Variants in LRIF1 observed in about 807,000 individuals in gnomAD.
The protein encoded by LRIF1 is ligand dependent nuclear receptor interacting factor 1, also known as ligand-dependent nuclear receptor-interacting factor 1.
A neutral mutation model predicts 52.7 loss-of-function variants in LRIF1; 32 were observed. That is an observed-to-expected ratio of 0.61 (90% CI 0.46 to 0.82). The LOEUF (loss-of-function observed/expected upper bound fraction) is 0.82. Ranked by LOEUF, LRIF1 falls within the 40% of genes least tolerant of loss-of-function variation. The pLI, the probability that LRIF1 is intolerant of heterozygous loss-of-function variation, is 0.00. For missense variants in LRIF1, 887 were observed against 892.0 expected, an observed-to-expected ratio of 0.99 and a Z score of 0.07; for synonymous variants, 323 against 317.4, an observed-to-expected ratio of 1.02 and a Z score of -0.19.
chr1:110,919,814 G>A, the LRIF1 span, among the ~76,000 whole-genome samples: 4 of 152,132 alleles, frequency 2.6e-5, no homozygotes, highest in Non-Finnish European at 5.9e-5. Flanking sequence ...ACAAAGGGTC[G>A]TTATCCAAAA....
chr1:110,899,222 CT>C, the LRIF1 span: 1 of 1,530,760 alleles, frequency 6.5e-7, no homozygotes, highest in Non-Finnish European at 9.1e-7. Flanking sequence ...GGTGAAGAGA[CT>C]TGTTTCATCT....
chr1:110,925,688 T>A, the LRIF1 span, among the ~76,000 whole-genome samples: 3 of 152,082 alleles, frequency 2.0e-5, no homozygotes, highest in African/African-American at 7.2e-5. Context: ...AACAAAACCA[T>A]CATTCGTTAC....
Position 110,951,427 on chromosome 1 carries a change from T to C in LRIF1, c.1457A>G (p.His486Arg). 1 of 1,614,132 alleles carries C rather than the reference T, an allele frequency of 6.2e-7. No individual in the cohort carries two copies. The highest frequency in any genetic ancestry group is 8.5e-7 in the Non-Finnish European group (1 of 1,180,000). ...GGCTGTTACTTTTCTGGGGGCATTG[T>C]GTCCTGTACTAAATCCAACTGGAAA... ...PIFPVGFSTG[H>R]NAPRKVTAVI... is the part of the protein sequence containing the mutation. The change falls in exon 2 of 4, where the codon CAC becomes CGC. Residue 486 changes from histidine (H) to arginine (R), a missense_variant. Physicochemically the swap from His to Arg is conservative, Grantham distance 29. Transcript: ENST00000369763.
At chr1:110,924,455 G>A in the LRIF1 span, among the ~76,000 whole-genome samples, 2 of 152,198 alleles carry the variant, frequency 1.3e-5, no homozygotes, top group Admixed American at 6.5e-5. Flanking sequence ...AATCATGGCA[G>A]AGGGCAAAGA....
the LRIF1 span, among the ~76,000 whole-genome samples, chr1:110,915,806 A>G: frequency 6.6e-6 from 1 of 152,202 alleles, no homozygotes; most frequent in African/African-American, 2.4e-5. Context: ...ATTATGTCAC[A>G]CAAGGGTAAA....
chr1:110,942,088 CT>C, the LRIF1 span: 13 of 152,074 alleles, frequency 8.5e-5, no homozygotes, highest in Non-Finnish European at 1.9e-4. Flanking sequence ...TAATATTCCA[CT>C]GCATGACATG....
intron 3 of LRIF1, 48 bp downstream of exon 3, chr1:110,949,803 G>T: frequency 6.5e-7 from 1 of 1,531,688 alleles, no homozygotes; most frequent in Non-Finnish European, 8.9e-7. Flanking sequence ...TAATATTCAT[G>T]TATCATTTGT....
chr1:110,891,258 T>C, the LRIF1 span: 1 of 658,374 alleles, frequency 1.5e-6, no homozygotes, highest in South Asian at 1.8e-5. Context: ...AGCGCAGAGT[T>C]TGGGGAAACT....
the LRIF1 span, among the ~76,000 whole-genome samples, chr1:110,885,661 G>A: frequency 6.6e-6 from 1 of 152,000 alleles, no homozygotes; most frequent in Admixed American, 6.6e-5. Context: ...TCAGGAGTTC[G>A]AGACCAGCCT....
the LRIF1 span, among the ~76,000 whole-genome samples, chr1:110,903,159 T>A: frequency 6.6e-6 from 1 of 152,190 alleles, no homozygotes; most frequent in African/African-American, 2.4e-5. Flanking sequence ...GCTACAGTGC[T>A]ATGTGTTTCT....
the LRIF1 span, among the ~76,000 whole-genome samples, chr1:110,918,117 T>C: frequency 6.6e-6 from 1 of 152,130 alleles, no homozygotes; most frequent in African/African-American, 2.4e-5. Flanking sequence ...TAAAAACACC[T>C]ACCTCCCCTC....
the LRIF1 span, among the ~76,000 whole-genome samples, chr1:110,897,133 C>T: frequency 6.6e-6 from 1 of 152,140 alleles, no homozygotes; most frequent in South Asian, 2.1e-4. Flanking sequence ...ATGGCAGAAT[C>T]CAGCCCCTTA....
chr1:110,951,918 T>C lies in LRIF1; in HGVS notation c.966A>G (p.Val322=), dbSNP rs1353515248. The change falls in exon 2 of 4, where the codon GTA becomes GTG. Residue 322 remains valine (V), a synonymous_variant. Coordinates refer to ENST00000369763, the MANE Select transcript of LRIF1 (RefSeq NM_018372.4). ...NVASKILKTF[V]DRKNLGDNTI... Reference sequence around the variant, plus strand: ...TATTATCTCCCAAATTTTTCCTATCTACAAAAGTTTTTAAAATCTTTGAAG... The same window carrying C: ...TATTATCTCCCAAATTTTTCCTATCCACAAAAGTTTTTAAAATCTTTGAAG... 10 of 1,614,058 alleles carry C rather than the reference T, an allele frequency of 6.2e-6. No individual in the cohort carries two copies. Among genetic ancestry groups the C allele is most frequent in the Non-Finnish European group, 8.5e-6 (10 of 1,179,988 alleles).
chr1:110,897,036 G>A, the LRIF1 span, among the ~76,000 whole-genome samples: 1 of 152,182 alleles, frequency 6.6e-6, no homozygotes, highest in Non-Finnish European at 1.5e-5. Context: ...GCAAGAAGTA[G>A]GTCTCCTTAT....
the LRIF1 span, among the ~76,000 whole-genome samples, chr1:110,934,687 C>A: frequency 1.3e-5 from 2 of 152,170 alleles, no homozygotes; most frequent in East Asian, 1.9e-4. Flanking sequence ...TAATAGAACA[C>A]CAGGTAGATG....
At chr1:110,903,732 C>T in the LRIF1 span, among the ~76,000 whole-genome samples, 1 of 152,188 alleles carries the variant, frequency 6.6e-6, no homozygotes. Flanking sequence ...ACTCCTTCTA[C>T]TTGAGAAAAG....
chr1:110,902,012 C>A, the LRIF1 span, among the ~76,000 whole-genome samples: 1 of 152,272 alleles, frequency 6.6e-6, no homozygotes, highest in Middle Eastern at 3.4e-3. Context: ...AGGATTCACC[C>A]ACCAAGTATC....
At chr1:110,894,458 T>A in the LRIF1 span, 1 of 1,282,598 alleles carries the variant, frequency 7.8e-7, no homozygotes, top group African/African-American at 1.5e-5. Context: ...GAGTATGCAG[T>A]GGAGAAGTTG....
At chr1:110,912,371 G>T in the LRIF1 span, among the ~76,000 whole-genome samples, 3 of 151,998 alleles carry the variant, frequency 2.0e-5, no homozygotes, top group East Asian at 5.8e-4. Flanking sequence ...ACCACCACAT[G>T]TGGCTACTTT....
Sources: gnomAD v4.1 joint callset for allele counts (sites outside exome capture counted in the v4.1 genomes callset) on GRCh38, gnomAD v4.1.1 for gene constraint, MANE v1.5 for transcripts, NCBI Gene and HGNC (gene_info 2026-07-23, HGNC 2026-07-21) for gene names.